PAQR7: variants seen among roughly 807,000 people sequenced by gnomAD.
PAQR7 encodes membrane progestin receptor alpha.
Under a neutral mutation model 24.6 loss-of-function variants are expected in PAQR7, and 14 were observed. The observed-to-expected ratio is 0.57, with a 90% CI of 0.38 to 0.89. PAQR7 has a LOEUF of 0.89. PAQR7 is among the 40% of genes least tolerant of loss of function. The pLI, the probability that PAQR7 is intolerant of heterozygous loss-of-function variation, is 0.00. For missense variants in PAQR7, 351 were observed against 444.0 expected (o/e 0.79, Z 1.88); for synonymous variants, 189 against 198.8 (o/e 0.95, Z 0.42).
At chr1:25,864,115 G>A (rs2048537276) in intron 2 of PAQR7, among the ~76,000 whole-genome samples, 1 of 152,176 alleles carries the variant, frequency 6.6e-6, no homozygotes, top group Admixed American at 6.5e-5. Context: ...TTTGAGGAAT[G>A]TATTAACTAA....
At chr1:25,871,662 C>CA (rs529425470) in intron 1 of PAQR7, among the ~76,000 whole-genome samples, 105 of 152,314 alleles carry the variant, frequency 6.9e-4, no homozygotes, top group Middle Eastern at 6.8e-3. Context: ...TACACACTGT[C>CA]AAAGGTTCCC....
intron 2 of PAQR7, among the ~76,000 whole-genome samples, chr1:25,868,183 C>G (rs1254343797): frequency 1.3e-5 from 2 of 152,208 alleles, no homozygotes; most frequent in Admixed American, 1.3e-4. Flanking sequence ...GCATCTTGGG[C>G]AACTCTCTTG....
chr1:25,874,714 C>G (rs187409129), intron 1 of PAQR7, among the ~76,000 whole-genome samples: 2 of 152,340 alleles, frequency 1.3e-5, no homozygotes, highest in African/African-American at 4.8e-5. Context: ...CCTAGCCCCA[C>G]AGGCCTCCTC....
intron 2 of PAQR7, among the ~76,000 whole-genome samples, chr1:25,864,991 C>T (rs940582018): frequency 6.6e-6 from 1 of 151,500 alleles, no homozygotes; most frequent in African/African-American, 2.4e-5. Context: ...CCCGTCTCTA[C>T]TAAAAATACA....
rs181210090 is a variant in PAQR7 at position 25,871,613 on chromosome 1, T to C, written c.-108-919A>G. Among the ~76,000 whole-genome samples the C allele has an allele frequency of 4.6e-5, 7 of 152,148 alleles. No individual in the cohort carries two copies. In the East Asian group the frequency reaches 1.4e-3, roughly 29 times the overall value. On this transcript the variant is annotated intron_variant, in intron 1 of 2. Transcript: ENST00000675840. ...AGGTCAGCCCTCCTCACCTCTCTCC[T>C]TAACGAAGGCTTGCAAGCCCCAGCC... is the stretch of plus-strand genomic sequence containing the variant.
intron 2 of PAQR7, among the ~76,000 whole-genome samples, chr1:25,868,461 C>T (rs2048575697): frequency 6.6e-6 from 1 of 152,190 alleles, no homozygotes; most frequent in Non-Finnish European, 1.5e-5. Flanking sequence ...GTAATCCCAG[C>T]ACTTTGGGAG....
At chr1:25,867,520 T>C (rs2048567578) in intron 2 of PAQR7, among the ~76,000 whole-genome samples, 1 of 152,200 alleles carries the variant, frequency 6.6e-6, no homozygotes, top group African/African-American at 2.4e-5. Context: ...GCCAAATAAA[T>C]TCCCTCCAAG....
intron 2 of PAQR7, among the ~76,000 whole-genome samples, chr1:25,867,143 C>G (rs2048563909): frequency 6.6e-6 from 1 of 152,184 alleles, no homozygotes; most frequent in Non-Finnish European, 1.5e-5. Flanking sequence ...CTCCTATCAG[C>G]CTCCCAAGTG....
rs748387079 is a variant in PAQR7 at position 25,863,789 on chromosome 1, G to T, written c.51C>A (p.Val17=). 52 of 1,613,562 alleles carry T rather than the reference G, an allele frequency of 3.2e-5. No homozygotes were observed. The highest frequency in any genetic ancestry group is 1.0e-4 in the Admixed American group (6 of 60,008). The change falls in exon 3 of 3, where the codon GTC becomes GTA. Residue 17 remains valine (V), a synonymous_variant. Transcript: ENST00000675840. This position sits in a 1 kb window ranked among gnomAD's most constrained non-coding sequence, Gnocchi z 6.1. The stretch of plus-strand genomic sequence containing the variant: ...GCAGAGATAGCTGAGGCTCCTGGAT[G>T]ACCTGCCGCAGACTCGGCAGGAGGT... ...LSHLLPSLRQ[V]IQEPQLSLQP...
rs528085593 is a variant in PAQR7 at position 25,861,568 on chromosome 1, G to C, written c.*1231C>G. 1.3e-5 allele frequency: 2 copies of C among 152,426 alleles called. No homozygotes were observed. Among genetic ancestry groups the C allele is most frequent in the Non-Finnish European group, 2.9e-5 (2 of 68,318 alleles). The allele number at this position is 152,426 out of a possible 1,614,324, so 9.4% of individuals were successfully genotyped here. A position where few individuals can be genotyped will look rare whatever the true frequency, so the allele number is the denominator to read the frequency against. ...CCCCACTTTTCCTTCCACACCTCTT[G>C]GTCTCTGCACAGGTTTCCCTCTGCC... On this transcript the variant is annotated 3_prime_UTR_variant, in exon 3 of 3. Coordinates refer to ENST00000675840, the MANE Select transcript of PAQR7 (RefSeq NM_178422.6).
At position 25,863,587 on chromosome 1, in the gene PAQR7, G is replaced by A; in HGVS notation, c.253C>T (p.Leu85=). 6.2e-7 allele frequency: 1 copy of A among 1,614,234 alleles called. No individual in the cohort carries two copies. The highest frequency in any genetic ancestry group is 8.5e-7 in the Non-Finnish European group (1 of 1,180,036). The part of the protein sequence containing the change: ...VWTHLLAALV[L]LLRLALFVET... ...ACAAAGAGGGCCAGCCGCAGCAGCAGTACCAGGGCCGCCAGCAGGTGGGTC... is the reference window on the plus strand; with the variant it reads ...ACAAAGAGGGCCAGCCGCAGCAGCAATACCAGGGCCGCCAGCAGGTGGGTC... The change falls in exon 3 of 3, where the codon CTG becomes TTG. Residue 85 remains leucine, a synonymous_variant. Transcript: ENST00000675840. This position sits in a 1 kb window ranked among gnomAD's most constrained non-coding sequence, Gnocchi z 6.1.
In PAQR7 at chr1:25,863,398, C is replaced by A. The variant is rs774512066; in HGVS notation, c.442G>T (p.Val148Leu). Residue 148 changes from valine to leucine, a missense_variant, in exon 3 of 3, where the codon GTG (valine) becomes TTG (leucine). Transcript: ENST00000675840. This position sits in a 1 kb window ranked among gnomAD's most constrained non-coding sequence, Gnocchi z 6.1. Reference protein sequence around the residue: ...FFFLDYVGVAVYQFGSALAHF... With the variant: ...FFFLDYVGVALYQFGSALAHF... ...GCCAAGGCACTGCCAAACTGGTACACGGCCACCCCCACATAGTCCAGGAAG... is the reference window on the plus strand; with the variant it reads ...GCCAAGGCACTGCCAAACTGGTACAAGGCCACCCCCACATAGTCCAGGAAG... 6.2e-7 allele frequency: 1 copy of A among 1,614,186 alleles called. No homozygotes were observed. The highest frequency in any genetic ancestry group is 1.1e-5 in the South Asian group (1 of 91,086).
chr1:25,868,774 G>C (rs1010418688), intron 2 of PAQR7, among the ~76,000 whole-genome samples: 4 of 143,312 alleles, frequency 2.8e-5, no homozygotes, highest in Admixed American at 2.1e-4. Flanking sequence ...TAGCTTTGTT[G>C]AATCAACATT....
In PAQR7 at chr1:25,875,098, C is replaced by A. The variant is rs2048639006; in HGVS notation, c.-109+390G>T. On this transcript the variant is annotated intron_variant, in intron 1 of 2. Coordinates refer to ENST00000675840, the MANE Select transcript of PAQR7 (RefSeq NM_178422.6). This position sits in a 1 kb window ranked among gnomAD's most constrained non-coding sequence, Gnocchi z 5.4. ...CTTGCCCGGGCCAGACGCCCCTACC[C>A]ACTCCCTGCCCTCCATCCTTCATTT... is the stretch of plus-strand genomic sequence containing the variant. Among the ~76,000 whole-genome samples the A allele has an allele frequency of 6.6e-6, 1 of 152,178 alleles. No individual in the cohort carries two copies. Among genetic ancestry groups the A allele is most frequent in the African/African-American group, 2.4e-5 (1 of 41,440 alleles).
chr1:25,874,989 C>A (rs1450428447), intron 1 of PAQR7, among the ~76,000 whole-genome samples: 1 of 152,204 alleles, frequency 6.6e-6, no homozygotes, highest in African/African-American at 2.4e-5. Flanking sequence ...GGCACCCATA[C>A]CCCTTCCTGT....
In PAQR7 at chr1:25,863,051, C is replaced by G. The variant is rs770539208; in HGVS notation, c.789G>C (p.Trp263Cys). The change falls in exon 3 of 3, where the codon TGG (tryptophan) becomes TGC (cysteine). Residue 263 changes from tryptophan to cysteine, a missense_variant. Physicochemically the swap from Trp to Cys is radical, Grantham distance 215. Transcript: ENST00000675840. This position sits in a 1 kb window ranked among gnomAD's most constrained non-coding sequence, Gnocchi z 6.1. The part of the protein sequence containing the change: ...AFFSTFMPER[W>C]FPGSCHVFGQ... ...CGAAGACATGGCAGCTGCCAGGGAACCAGCGCTCGGGCATGAAGGTAGAGA... is the reference window on the plus strand; with the variant it reads ...CGAAGACATGGCAGCTGCCAGGGAAGCAGCGCTCGGGCATGAAGGTAGAGA... 2 of 1,614,096 alleles carry G rather than the reference C, an allele frequency of 1.2e-6. No individual in the cohort carries two copies. The highest frequency in any genetic ancestry group is 1.7e-6 in the Non-Finnish European group (2 of 1,180,046).
Position 25,863,070 on chromosome 1 carries a change from G to A in PAQR7, c.770C>T (p.Thr257Ile), listed in dbSNP as rs1472247954. Reference sequence around the variant, plus strand: ...AGGGAACCAGCGCTCGGGCATGAAGGTAGAGAAGAAGGCAGCAGCCAGCAG... The same window carrying A: ...AGGGAACCAGCGCTCGGGCATGAAGATAGAGAAGAAGGCAGCAGCCAGCAG... Reference protein sequence around the residue: ...FFLLAAAFFSTFMPERWFPGS... With the variant: ...FFLLAAAFFSIFMPERWFPGS... Residue 257 changes from threonine to isoleucine, a missense_variant, in exon 3 of 3, where the codon ACC (threonine) becomes ATC (isoleucine). Physicochemically the swap from Thr to Ile is moderately conservative, Grantham distance 89 (BLOSUM62 -1). Transcript: ENST00000675840. This position sits in a 1 kb window ranked among gnomAD's most constrained non-coding sequence, Gnocchi z 6.1. 3.1e-6 allele frequency: 5 copies of A among 1,613,990 alleles called. No individual in the cohort carries two copies. Among genetic ancestry groups the A allele is most frequent in the African/African-American group, 2.7e-5 (2 of 74,960 alleles).
chr1:25,865,090 A>G (rs1158268352), intron 2 of PAQR7, among the ~76,000 whole-genome samples: 2 of 150,184 alleles, frequency 1.3e-5, no homozygotes, highest in Non-Finnish European at 3.0e-5. Flanking sequence ...CAGGGGGCGG[A>G]GCCTGCAGTG....
At position 25,863,546 on chromosome 1, in the gene PAQR7, G is replaced by A; in HGVS notation, c.294C>T (p.Phe98=). 1 of 1,614,202 alleles carries A rather than the reference G, an allele frequency of 6.2e-7. No homozygotes were observed. The highest frequency in any genetic ancestry group is 1.7e-5 in the Admixed American group (1 of 60,026). The stretch of plus-strand genomic sequence containing the variant: ...GGGGCAGGGCGTGTGGGTCTCCCCA[G>A]AAGTCCACGGTCTCCACAAAGAGGG... ...RLALFVETVD[F]WGDPHALPLF... is the part of the protein sequence containing the mutation. Residue 98 remains phenylalanine, a synonymous_variant, in exon 3 of 3, where the codon TTC becomes TTT. Coordinates refer to ENST00000675840, the MANE Select transcript of PAQR7 (RefSeq NM_178422.6). The surrounding 1 kb of genome is among the most constrained non-coding windows in gnomAD (Gnocchi z 6.1).
Sources: allele counts gnomAD v4.1 joint callset (sites outside exome capture counted in the v4.1 genomes callset), GRCh38; gene constraint gnomAD v4.1.1; non-coding constraint Gnocchi (gnomAD v3.1); transcripts MANE v1.5; gene names NCBI Gene and HGNC (gene_info 2026-07-23, HGNC 2026-07-21).